Variants in C8orf74 observed in about 807,000 individuals in gnomAD.
C8orf74 encodes the protein chromosome 8 open reading frame 74.
In C8orf74, 29 loss-of-function variants were observed where a neutral mutation model predicts 22.2. The observed-to-expected ratio is 1.31, with a 90% confidence interval of 0.97 to 1.78. The LOEUF (loss-of-function observed/expected upper bound fraction) is 1.78, where lower values mean the gene tolerates loss of function less well. C8orf74 is among the 40% of genes most tolerant of loss of function. The pLI is 0.00. For missense variants in C8orf74, 515 were observed against 369.9 expected (o/e 1.39, Z -3.22); for synonymous variants, 255 against 163.1 (o/e 1.56, Z -4.30).
At chr8:10,688,516 A>C (rs1489522469) in intron 2 of C8orf74, 1 of 152,390 alleles carries the variant, frequency 6.6e-6, no homozygotes, top group Non-Finnish European at 1.5e-5. Context: ...CCCCAGCATC[A>C]GTGCCATCTT....
chr8:10,682,508 C>T (rs925723600), intron 2 of C8orf74, among the ~76,000 whole-genome samples: 6 of 152,216 alleles, frequency 3.9e-5, no homozygotes, highest in African/African-American at 1.4e-4. Context: ...CCCACTTCCT[C>T]TTGTGGTCTC....
intron 2 of C8orf74, among the ~76,000 whole-genome samples, chr8:10,679,245 A>G (rs1799096857): frequency 6.6e-6 from 1 of 152,110 alleles, no homozygotes; most frequent in Non-Finnish European, 1.5e-5. Flanking sequence ...GAAAGTGTGC[A>G]CTGGAGTCGG....
chr8:10,680,728 G>A (rs780837911), intron 2 of C8orf74, among the ~76,000 whole-genome samples: 22 of 152,220 alleles, frequency 1.4e-4, no homozygotes, highest in Non-Finnish European at 2.4e-4. Flanking sequence ...CTGCCTACCA[G>A]ACCGAGAGAG....
chr8:10,678,924 A>C lies in C8orf74; in HGVS notation c.241+4086A>C, dbSNP rs56874431. Reference sequence around the variant, plus strand: ...CACCTGTGTTCTTACTGCCTTGCACAGGGACACTCGTGAGAGCGAGAACAA... The same window carrying C: ...CACCTGTGTTCTTACTGCCTTGCACCGGGACACTCGTGAGAGCGAGAACAA... On this transcript the variant is annotated intron_variant, in intron 2 of 3. Transcript: ENST00000304519. 7.1e-3 allele frequency among the ~76,000 whole-genome samples: 1,084 copies of C among 152,322 alleles called. 62 individuals carry two copies. In the East Asian group the frequency reaches 0.17, roughly 23 times the overall value.
In C8orf74 at chr8:10,695,353, T is replaced by C. The variant is rs75469987; in HGVS notation, c.242-2246T>C. Among the ~76,000 whole-genome samples the C allele has an allele frequency of 6.6e-3, 1,004 of 152,234 alleles. 8 individuals carry two copies. The highest frequency in any genetic ancestry group is 0.023 in the African/African-American group (946 of 41,520). On this transcript the variant is annotated intron_variant, in intron 2 of 3. Transcript: ENST00000304519. ...TACCCTCCCGAGAGGAGTGTAACCC[T>C]TGGGCTCCAAGCCTGCTGGTTTGCC...
chr8:10,700,329 T>C lies in C8orf74; in HGVS notation c.743T>C (p.Leu248Ser). Residue 248 changes from leucine to serine, a missense_variant, in exon 4 of 4, where the codon TTG (leucine) becomes TCG (serine). Leu to Ser is a moderately radical substitution (Grantham distance 145). Coordinates refer to ENST00000304519, the MANE Select transcript of C8orf74 (RefSeq NM_001040032.2). ...QRQIQNTFAI[L>S]DLKLQKKTLN... ...CAGATCCAGAACACATTCGCCATCT[T>C]GGACCTGAAGCTTCAGAAGAAGACT... 3 of 1,613,902 alleles carry C rather than the reference T, an allele frequency of 1.9e-6. No homozygotes were observed. The highest frequency in any genetic ancestry group is 2.2e-5 in the South Asian group (2 of 91,074).
At position 10,674,665 on chromosome 8, in the gene C8orf74, G is replaced by A. The variant is rs747337266; in HGVS notation, c.68G>A (p.Arg23His). The A allele has an allele frequency of 3.3e-5, 53 of 1,608,836 alleles. No homozygotes were observed. Among genetic ancestry groups the A allele is most frequent in the African/African-American group, 2.9e-4 (22 of 74,656 alleles). The change falls in exon 2 of 4, where the codon CGC (arginine) becomes CAC (histidine). Residue 23 changes from arginine (R) to histidine (H), a missense_variant. Transcript: ENST00000304519. ...FQLQRPQGRE[R>H]LRRLLNWEEF... is the part of the protein sequence containing the mutation. The stretch of plus-strand genomic sequence containing the variant: ...CTGCAGAGACCACAAGGTCGGGAGC[G>A]CCTGCGGAGGCTTCTGAACTGGGAG...
intron 2 of C8orf74, among the ~76,000 whole-genome samples, chr8:10,693,640 C>T (rs1183459015): frequency 6.6e-6 from 1 of 152,202 alleles, no homozygotes; most frequent in Non-Finnish European, 1.5e-5. Flanking sequence ...CTCTTCAAGA[C>T]TGGAAGCTGT....
rs539948327 is a variant in C8orf74 at position 10,696,958 on chromosome 8, G to GGAA, written c.242-641_242-640insGAA. Among the ~76,000 whole-genome samples, 174 of 104,344 alleles carry GGAA rather than the reference G, an allele frequency of 1.7e-3. 1 individual carries two copies. The highest frequency in any genetic ancestry group is 5.4e-3 in the African/African-American group (166 of 30,692). 68.5% of individuals were successfully genotyped at this position (104,344 alleles called of 152,430 possible). A position where few individuals can be genotyped will look rare whatever the true frequency, so the allele number is the denominator to read the frequency against. On this transcript the variant is annotated intron_variant, in intron 2 of 3. Transcript: ENST00000304519. Reference sequence around the variant, plus strand: ...GAGGATAGCTTATGCCCAGGAGTTCGAAAAAAAAAAAAAAAGACAAAATAC... The same window carrying GGAA: ...GAGGATAGCTTATGCCCAGGAGTTCGGAAAAAAAAAAAAAAAAAGACAAAATAC...
At position 10,678,831 on chromosome 8, in the gene C8orf74, C is replaced by G. The variant is rs911913028; in HGVS notation, c.241+3993C>G. Among the ~76,000 whole-genome samples the G allele has an allele frequency of 4.6e-5, 7 of 152,182 alleles. No homozygotes were observed. The South Asian group carries it at 1.0e-3, about 22-fold the overall frequency. Reference sequence around the variant, plus strand: ...AGGCCTCCTGCACCTCGGCTCACCACGGTGCCATTCAGGATGGTGCCTGCT... The same window carrying G: ...AGGCCTCCTGCACCTCGGCTCACCAGGGTGCCATTCAGGATGGTGCCTGCT... On this transcript the variant is annotated intron_variant, in intron 2 of 3. Coordinates refer to ENST00000304519, the MANE Select transcript of C8orf74 (RefSeq NM_001040032.2).
chr8:10,678,942 G>A (rs1027861618), intron 2 of C8orf74, among the ~76,000 whole-genome samples: 1 of 152,180 alleles, frequency 6.6e-6, no homozygotes, highest in Non-Finnish European at 1.5e-5. Context: ...TCGTGAGAGC[G>A]AGAACAAGCC....
At chr8:10,686,724 G>A (rs967127564) in intron 2 of C8orf74, 2 of 160,814 alleles carry the variant, frequency 1.2e-5, no homozygotes, top group African/African-American at 4.8e-5. Context: ...AATAAAAAGA[G>A]AATTTGGATT....
chr8:10,676,143 A>G (rs1465770784), intron 2 of C8orf74, among the ~76,000 whole-genome samples: 1 of 152,142 alleles, frequency 6.6e-6, no homozygotes, highest in African/African-American at 2.4e-5. Flanking sequence ...GCAACTTTTC[A>G]TTTAATTTAT....
chr8:10,680,709 C>T lies in C8orf74; in HGVS notation c.241+5871C>T, dbSNP rs79216783. 4.6e-3 allele frequency among the ~76,000 whole-genome samples: 708 copies of T among 152,354 alleles called. 7 individuals are homozygous for T. The highest frequency in any genetic ancestry group is 0.016 in the African/African-American group (674 of 41,590). On this transcript the variant is annotated intron_variant, in intron 2 of 3. Coordinates refer to ENST00000304519, the MANE Select transcript of C8orf74 (RefSeq NM_001040032.2). ...GCTTGGCCCTGAGCACACAAGGGTG[C>T]CAGCCTTGCTGCCTACCAGACCGAG...
intron 2 of C8orf74, among the ~76,000 whole-genome samples, chr8:10,682,057 T>C (rs891571828): frequency 7.2e-5 from 11 of 152,170 alleles, no homozygotes; most frequent in Non-Finnish European, 1.5e-4. Context: ...CCGGCAGCCC[T>C]GAAGTACCCC....
At chr8:10,678,728 C>T (rs906484740) in intron 2 of C8orf74, among the ~76,000 whole-genome samples, 1 of 152,212 alleles carries the variant, frequency 6.6e-6, no homozygotes, top group African/African-American at 2.4e-5. Flanking sequence ...ACAGCCATGC[C>T]AGGCTGGCTG....
chr8:10,689,510 G>C (rs919714054), intron 2 of C8orf74: 1 of 152,140 alleles, frequency 6.6e-6, no homozygotes, highest in African/African-American at 2.4e-5. Flanking sequence ...CTCTTAAAGG[G>C]TCTCTCTGGC....
At chr8:10,699,368 C>T (rs916513949) in intron 3 of C8orf74, among the ~76,000 whole-genome samples, 6 of 152,232 alleles carry the variant, frequency 3.9e-5, no homozygotes, top group African/African-American at 1.2e-4. Flanking sequence ...CACAACCTTC[C>T]CCAATAATGT....
rs1422788371 is a variant in C8orf74 at position 10,700,552 on chromosome 8, C to G, written c.*81C>G. The G allele has an allele frequency of 1.2e-6, 1 of 825,788 alleles. No homozygotes were observed. The highest frequency in any genetic ancestry group is 1.7e-5 in the African/African-American group (1 of 57,978). 51.2% of individuals were successfully genotyped at this position (825,788 alleles called of 1,614,324 possible). ...CCTTGCGGCACGGTGAGCTCAGCAC[C>G]CACAGAGAGACTTCTTGTGATTAAA... is the stretch of plus-strand genomic sequence containing the variant. On this transcript the variant is annotated 3_prime_UTR_variant, in exon 4 of 4. Coordinates refer to ENST00000304519, the MANE Select transcript of C8orf74 (RefSeq NM_001040032.2).
Sources: gnomAD v4.1 joint callset for allele counts (sites outside exome capture counted in the v4.1 genomes callset) on GRCh38, gnomAD v4.1.1 for gene constraint, MANE v1.5 for transcripts, NCBI Gene and HGNC (gene_info 2026-07-23, HGNC 2026-07-21) for gene names.